The following STARD13 variants were observed in gnomAD, a reference collection of about 807,000 sequenced individuals.
STARD13 encodes StAR related lipid transfer domain containing 13.
In STARD13, 62 loss-of-function variants were observed where a neutral mutation model predicts 106.4. The observed-to-expected ratio is 0.58, with a 90% CI of 0.48 to 0.72. The LOEUF is 0.72. Among genes scored for constraint, STARD13 ranks in the 30% least tolerant of loss-of-function variants. STARD13 has a pLI of 0.00. For synonymous variants in STARD13, 565 were observed against 553.0 expected (o/e 1.02, Z -0.31); for missense variants, 1,387 against 1,424.0 (o/e 0.97, Z 0.42).
the STARD13 span, among the ~76,000 whole-genome samples, chr13:33,391,421 T>A: frequency 6.6e-6 from 1 of 152,178 alleles, no homozygotes; most frequent in South Asian, 2.1e-4. Flanking sequence ...TTACCGTAAA[T>A]CAAGGTTGCA....
chr13:33,164,445 A>C (rs1425780351), intron 3 of STARD13: 1 of 152,214 alleles, frequency 6.6e-6, no homozygotes, highest in Non-Finnish European at 1.5e-5. Context: ...TGGATTTAGC[A>C]TTAGGAATAC....
chr13:33,391,193 A>G, the STARD13 span, among the ~76,000 whole-genome samples: 2 of 152,194 alleles, frequency 1.3e-5, no homozygotes, highest in Admixed American at 6.5e-5. Context: ...AACAATTTAG[A>G]TCAGGTTTAA....
At chr13:33,246,316 T>C (rs1047945942) in intron 1 of STARD13, among the ~76,000 whole-genome samples, 5 of 152,192 alleles carry the variant, frequency 3.3e-5, no homozygotes, top group African/African-American at 1.2e-4. Context: ...CAGGGTTGGC[T>C]AGAACGTTAC....
At chr13:33,603,411 C>A in the STARD13 span, among the ~76,000 whole-genome samples, 1 of 152,318 alleles carries the variant, frequency 6.6e-6, no homozygotes, top group East Asian at 1.9e-4. Context: ...AAGGCTGGAA[C>A]TGAACAAGCT....
At chr13:33,446,100 A>C in the STARD13 span, among the ~76,000 whole-genome samples, 1 of 152,226 alleles carries the variant, frequency 6.6e-6, no homozygotes, top group Non-Finnish European at 1.5e-5. Context: ...CATTTTGACA[A>C]GACAGTCTTA....
At chr13:33,660,379 T>C in the STARD13 span, among the ~76,000 whole-genome samples, 3 of 152,254 alleles carry the variant, frequency 2.0e-5, no homozygotes, top group Non-Finnish European at 4.4e-5. Flanking sequence ...ATCTCTCTAA[T>C]TACAATAATT....
At chr13:33,359,959 C>T in the STARD13 span, among the ~76,000 whole-genome samples, 3 of 152,176 alleles carry the variant, frequency 2.0e-5, no homozygotes, top group African/African-American at 7.2e-5. Flanking sequence ...AAAATGATTT[C>T]TAAGACTGAG....
At chr13:33,302,209 G>A (rs980720911) in intron 1 of STARD13, among the ~76,000 whole-genome samples, 2 of 152,162 alleles carry the variant, frequency 1.3e-5, no homozygotes, top group Non-Finnish European at 2.9e-5. Context: ...GCCTGGAACT[G>A]TACTAAGAGA....
At chr13:33,353,859 C>T (rs2138632313), upstream of STARD13, among the ~76,000 whole-genome samples, 1 of 152,302 alleles carries the variant, frequency 6.6e-6, no homozygotes, top group South Asian at 2.1e-4. Context: ...CCCAGGCAGA[C>T]TGTGAGCTCC....
chr13:33,286,009 G>A (rs1363843752), upstream of STARD13, among the ~76,000 whole-genome samples: 1 of 152,034 alleles, frequency 6.6e-6, no homozygotes, highest in East Asian at 1.9e-4. Context: ...AAGAAAAAGA[G>A]AGAGGGAAGG....
chr13:33,571,203 C>T, the STARD13 span, among the ~76,000 whole-genome samples: 1 of 152,054 alleles, frequency 6.6e-6, no homozygotes, highest in Non-Finnish European at 1.5e-5. Flanking sequence ...CAACGGATTT[C>T]AATTGTTCGA....
the STARD13 span, among the ~76,000 whole-genome samples, chr13:33,428,750 T>C: frequency 6.6e-6 from 1 of 152,196 alleles, no homozygotes; most frequent in Non-Finnish European, 1.5e-5. Context: ...ACTTGCAAAC[T>C]ATCCCTCTGA....
chr13:33,477,083 G>T, the STARD13 span, among the ~76,000 whole-genome samples: 1 of 152,188 alleles, frequency 6.6e-6, no homozygotes, highest in African/African-American at 2.4e-5. Flanking sequence ...GGCACACAAT[G>T]CCCAAACAGC....
chr13:33,330,105 C>T (rs1313820697), intron 1 of STARD13, among the ~76,000 whole-genome samples: 1 of 152,202 alleles, frequency 6.6e-6, no homozygotes, highest in Non-Finnish European at 1.5e-5. Context: ...ATGCAGAGAG[C>T]TCTTTACAAT....
chr13:33,158,190 A>G (rs890761694), intron 3 of STARD13, among the ~76,000 whole-genome samples: 1 of 151,832 alleles, frequency 6.6e-6, no homozygotes, highest in African/African-American at 2.4e-5. Context: ...AGCTAGAGAG[A>G]AAGAGAGAGA....
intron 1 of STARD13, among the ~76,000 whole-genome samples, chr13:33,325,662 T>C (rs944504968): frequency 3.3e-5 from 5 of 152,170 alleles, no homozygotes; most frequent in African/African-American, 1.2e-4. Context: ...GAAAGTCATC[T>C]TGAGTCCTGT....
At chr13:33,458,178 G>A in the STARD13 span, among the ~76,000 whole-genome samples, 1 of 152,088 alleles carries the variant, frequency 6.6e-6, no homozygotes, top group Non-Finnish European at 1.5e-5. Flanking sequence ...GTTGGAGAAG[G>A]TGTTAATGTG....
intron 2 of STARD13, among the ~76,000 whole-genome samples, chr13:33,167,015 C>CAAAAAAAAAAAAAAAAAAAA (rs1010175989): frequency 7.2e-6 from 1 of 139,248 alleles, no homozygotes. Context: ...AAAAAAAAAC[C>CAAAAAAAAAAAAAAAAAAAA]AAAAAAAAAT....
chr13:33,536,963 T>C, the STARD13 span, among the ~76,000 whole-genome samples: 1 of 152,242 alleles, frequency 6.6e-6, no homozygotes, highest in Non-Finnish European at 1.5e-5. Context: ...CTGCTTTAAA[T>C]TTTATTCCAC....
Sources: gnomAD v4.1 joint callset for allele counts (sites outside exome capture counted in the v4.1 genomes callset) on GRCh38, gnomAD v4.1.1 for gene constraint, MANE v1.5 for transcripts, NCBI Gene and HGNC (gene_info 2026-07-23, HGNC 2026-07-21) for gene names.